AUTS2: variants seen among roughly 807,000 people sequenced by gnomAD.
The protein encoded by AUTS2 is autism susceptibility gene 2 protein.
A neutral mutation model predicts 112.4 loss-of-function variants in AUTS2; 17 were observed. That is an observed-to-expected ratio of 0.15 (90% CI 0.10 to 0.23). AUTS2 has a LOEUF of 0.23. AUTS2 is among the 10% of genes least tolerant of loss of function. The pLI, the probability that AUTS2 is intolerant of heterozygous loss-of-function variation, is 1.00. For synonymous variants in AUTS2, 751 were observed against 702.7 expected, an observed-to-expected ratio of 1.07 and a Z score of -1.09; for missense variants, 1,510 against 1,701.6, an observed-to-expected ratio of 0.89 and a Z score of 1.98.
chr7:69,923,358 C>T (rs1795887664), intron 2 of AUTS2, among the ~76,000 whole-genome samples: 1 of 152,048 alleles, frequency 6.6e-6, no homozygotes, highest in Non-Finnish European at 1.5e-5. Context: ...ATCTTTATGC[C>T]TATACTATAC....
At chr7:70,363,215 T>C (rs1295350040) in intron 4 of AUTS2, among the ~76,000 whole-genome samples, 1 of 152,220 alleles carries the variant, frequency 6.6e-6, no homozygotes, top group African/African-American at 2.4e-5. Flanking sequence ...TCTCTAATGG[T>C]TGGACATTTA....
intron 4 of AUTS2, among the ~76,000 whole-genome samples, chr7:70,251,438 C>T (rs1249704773): frequency 6.6e-6 from 1 of 152,092 alleles, no homozygotes; most frequent in African/African-American, 2.4e-5. Flanking sequence ...GTACTCTTCC[C>T]CCGGGGTGAC....
rs540927160 is a variant in AUTS2, at chr7:70,604,967, G to T, written c.691-93602G>T. On this transcript the variant is annotated intron_variant, in intron 5 of 18. Coordinates refer to ENST00000342771, the MANE Select transcript of AUTS2 (RefSeq NM_015570.4). Reference sequence around the variant, plus strand: ...AATAAAAATCAGATTTCTTCACTGTGGGAATAGATTTTCCTGAGATGTTAA... The same window carrying T: ...AATAAAAATCAGATTTCTTCACTGTTGGAATAGATTTTCCTGAGATGTTAA... Among the ~76,000 whole-genome samples the T allele has an allele frequency of 3.3e-5, 5 of 152,308 alleles. No homozygotes were observed. The East Asian group carries it at 9.6e-4, about 29-fold the overall frequency.
intron 1 of AUTS2, among the ~76,000 whole-genome samples, chr7:69,620,988 C>T (rs916724637): frequency 6.6e-6 from 1 of 152,028 alleles, no homozygotes; most frequent in Non-Finnish European, 1.5e-5. Context: ...CTTTTTGTTC[C>T]CCCTTTGATT....
At chr7:70,076,360 T>C (rs1468290202) in intron 2 of AUTS2, among the ~76,000 whole-genome samples, 1 of 152,208 alleles carries the variant, frequency 6.6e-6, no homozygotes, top group Non-Finnish European at 1.5e-5. Context: ...CAAAATGATA[T>C]ATAATGAAAC....
At chr7:69,974,557 G>A (rs1775296880) in intron 2 of AUTS2, among the ~76,000 whole-genome samples, 1 of 152,032 alleles carries the variant, frequency 6.6e-6, no homozygotes, top group African/African-American at 2.4e-5. Context: ...CAAGACTGAA[G>A]GCCTGAGAAC....
At chr7:70,259,107 T>G (rs1394352661) in intron 4 of AUTS2, among the ~76,000 whole-genome samples, 5 of 152,168 alleles carry the variant, frequency 3.3e-5, no homozygotes, top group African/African-American at 1.2e-4. Context: ...TAATGACAGT[T>G]TCCAGATATG....
intron 4 of AUTS2, among the ~76,000 whole-genome samples, chr7:70,299,621 G>A (rs1197420304): frequency 2.0e-5 from 3 of 152,092 alleles, no homozygotes; most frequent in Admixed American, 2.0e-4. Context: ...TGAACTTTCA[G>A]CAAGAAAATG....
At chr7:70,670,570 G>T (rs184202250) in intron 5 of AUTS2, among the ~76,000 whole-genome samples, 201 of 152,318 alleles carry the variant, frequency 1.3e-3, no homozygotes, top group African/African-American at 4.6e-3. Flanking sequence ...AGAGCTAGAA[G>T]TGGCCTAGAA....
chr7:70,784,876 GA>G (rs1791340865), intron 15 of AUTS2, 65 bp from the exon 16 acceptor site: 1 of 1,467,672 alleles, frequency 6.8e-7, no homozygotes, highest in Non-Finnish European at 9.5e-7. Context: ...TAAGCAAGTA[GA>G]AGCCGGTTGC....
intron 6 of AUTS2, chr7:70,729,312 C>G (rs534792377): frequency 2.6e-4 from 98 of 381,866 alleles, no homozygotes; most frequent in Non-Finnish European, 4.6e-4. Flanking sequence ...GGTCAGGAGC[C>G]CGGCAGCCCC....
Position 70,361,201 on chromosome 7 carries a change from C to T in AUTS2, c.661-74551C>T, listed in dbSNP as rs1461605550. On this transcript the variant is annotated intron_variant, in intron 4 of 18. Transcript: ENST00000342771. The stretch of plus-strand genomic sequence containing the variant: ...ACAAAAAATTAGCTGGGCGTGGTGG[C>T]GGACGCCCGTAGTCCCAGCTACTCG... Among the ~76,000 whole-genome samples the T allele has an allele frequency of 5.9e-5, 9 of 152,126 alleles. No individual in the cohort carries two copies. In the South Asian group the frequency reaches 6.2e-4, roughly 11 times the overall value.
chr7:69,612,073 T>G (rs1793069391), intron 1 of AUTS2, among the ~76,000 whole-genome samples: 1 of 152,182 alleles, frequency 6.6e-6, no homozygotes, highest in Admixed American at 6.5e-5. Context: ...TAACTATAGC[T>G]GTTAGTTGTT....
At chr7:70,537,057 A>G (rs1176303069) in intron 5 of AUTS2, among the ~76,000 whole-genome samples, 1 of 152,172 alleles carries the variant, frequency 6.6e-6, no homozygotes, top group African/African-American at 2.4e-5. Flanking sequence ...TCAAAACTTT[A>G]AGGCCGCTGA....
At chr7:70,445,078 A>G (rs924817700) in intron 5 of AUTS2, among the ~76,000 whole-genome samples, 1 of 152,230 alleles carries the variant, frequency 6.6e-6, no homozygotes, top group Non-Finnish European at 1.5e-5. Flanking sequence ...ACATCATTTT[A>G]TAAGATCTGT....
chr7:70,789,897 A>G lies in AUTS2; in HGVS notation c.2681A>G (p.Glu894Gly), dbSNP rs765669602. The G allele has an allele frequency of 9.9e-6, 16 of 1,614,090 alleles. No individual in the cohort carries two copies. The highest frequency in any genetic ancestry group is 3.3e-5 in the South Asian group (3 of 91,084). ...AREKDKPKERERDHSESRKDL... is the reference protein window; with the variant it reads ...AREKDKPKERGRDHSESRKDL... Reference sequence around the variant, plus strand: ...GAGAAGGACAAACCCAAAGAGAGGGAGAGAGACCACTCGGAATCCCGCAAG... The same window carrying G: ...GAGAAGGACAAACCCAAAGAGAGGGGGAGAGACCACTCGGAATCCCGCAAG... Residue 894 changes from glutamate (E) to glycine (G), a missense_variant, in exon 19 of 19, where the codon GAG (glutamate) becomes GGG (glycine). Around this residue, in one of 3 missense-constraint regions of AUTS2, gnomAD observed 788 missense variants for 797.6 expected, o/e 0.99. Transcript: ENST00000342771.
chr7:70,719,385 T>A (rs1364421167), intron 6 of AUTS2, among the ~76,000 whole-genome samples: 1 of 152,118 alleles, frequency 6.6e-6, no homozygotes, highest in Non-Finnish European at 1.5e-5. Flanking sequence ...AGTACTTAAT[T>A]CTTCTCTCAA....
rs920828373 is a variant in AUTS2, at chr7:69,617,716, A to T, written c.309+17754A>T. The stretch of plus-strand genomic sequence containing the variant: ...TCTGGAGCTCACGTTATATTCTTTT[A>T]AAGTAGCTTCTCATTGTACCTTGTG... On this transcript the variant is annotated intron_variant, in intron 1 of 18. Transcript: ENST00000342771. Among the ~76,000 whole-genome samples, 94 of 152,172 alleles carry T rather than the reference A, an allele frequency of 6.2e-4. 2 individuals carry two copies. The highest frequency in any genetic ancestry group is 2.0e-3 in the African/African-American group (83 of 41,458).
chr7:70,607,229 CAG>C (rs1386048455), intron 5 of AUTS2, among the ~76,000 whole-genome samples: 1 of 135,708 alleles, frequency 7.4e-6, no homozygotes, highest in African/African-American at 2.7e-5. Context: ...TGCCATGTGT[CAG>C]AAAACCTTAG....
Sources: gnomAD v4.1 joint callset for allele counts (sites outside exome capture counted in the v4.1 genomes callset) on GRCh38, gnomAD v4.1.1 for gene constraint, gnomAD v4.1.1 regional missense constraint, MANE v1.5 for transcripts, NCBI Gene and HGNC (gene_info 2026-07-23, HGNC 2026-07-21) for gene names.